The following CAMK4 variants were observed in gnomAD, a reference collection of about 807,000 sequenced individuals.
CAMK4 encodes the protein calcium/calmodulin-dependent protein kinase type IV.
In CAMK4, 22 loss-of-function variants were observed where a neutral mutation model predicts 44.9. The observed-to-expected ratio is 0.49, with a 90% CI of 0.35 to 0.70. The LOEUF (loss-of-function observed/expected upper bound fraction) is 0.70, where lower values mean the gene tolerates loss of function less well. CAMK4 is among the 30% of genes least tolerant of loss of function. CAMK4 has a pLI of 0.01. For missense variants in CAMK4, 498 were observed against 586.8 expected (o/e 0.85, Z 1.56); for synonymous variants, 218 against 215.4 (o/e 1.01, Z -0.11).
At chr5:111,302,231 G>C (rs1747750755) in intron 1 of CAMK4, 3 of 153,576 alleles carry the variant, frequency 2.0e-5, no homozygotes, top group African/African-American at 7.2e-5. Flanking sequence ...TATCAAAACT[G>C]GGGTCTTGAG....
intron 1 of CAMK4, among the ~76,000 whole-genome samples, chr5:111,273,325 T>A (rs952711030): frequency 4.0e-5 from 6 of 151,650 alleles, no homozygotes; most frequent in African/African-American, 1.5e-4. Context: ...ACACACACAT[T>A]CACAAAGACA....
Position 111,374,855 on chromosome 5 carries a change from CA to C in CAMK4, c.253del (p.Ile85SerfsTer2). On this transcript the variant is annotated frameshift_variant, in exon 3 of 11. Coordinates refer to ENST00000282356, the MANE Select transcript of CAMK4 (RefSeq NM_001744.6). LOFTEE classifies it high-confidence loss of function. Reference sequence around the variant, plus strand: ...TCTTTTATTTTGCCTTTTAGGTGGACAAAAAAATCGTAAGAACTGAGATAGG... The same window carrying C: ...TCTTTTATTTTGCCTTTTAGGTGGACAAAAAATCGTAAGAACTGAGATAGG... Reference protein sequence around the residue: ...ALKVLKKTVDKKIVRTEIGVL... With the variant: ...ALKVLKKTVDXKIVRTEIGVL... The C allele has an allele frequency of 6.2e-7, 1 of 1,608,852 alleles. No individual in the cohort carries two copies. The highest frequency in any genetic ancestry group is 8.5e-7 in the Non-Finnish European group (1 of 1,175,802).
Position 111,493,548 on chromosome 5 carries a change from T to G in CAMK4, c.*9082T>G, listed in dbSNP as rs1443204525. On this transcript the variant is annotated 3_prime_UTR_variant, in exon 11 of 11. Coordinates refer to ENST00000282356, the MANE Select transcript of CAMK4 (RefSeq NM_001744.6). The surrounding 1 kb of genome is among the most constrained non-coding windows in gnomAD (Gnocchi z 4.1). ...AATCCCCCAGGATTTCTGATTGAAT[T>G]CTACCTGAAAGTTTAGATTTTAAAA... 2 of 152,192 alleles carry G rather than the reference T, an allele frequency of 1.3e-5. No homozygotes were observed. Among genetic ancestry groups the G allele is most frequent in the Non-Finnish European group, 2.9e-5 (2 of 68,026 alleles). 9.4% of individuals were successfully genotyped at this position (152,192 alleles called of 1,614,324 possible). A position where few individuals can be genotyped will look rare whatever the true frequency, so the allele number is the denominator to read the frequency against.
At chr5:111,358,419 A>G (rs747512537) in intron 2 of CAMK4, among the ~76,000 whole-genome samples, 35 of 152,046 alleles carry the variant, frequency 2.3e-4, no homozygotes, top group Non-Finnish European at 4.6e-4. Flanking sequence ...ATGTCACAGG[A>G]TAAATTCAGT....
At chr5:111,419,490 T>C (rs892263227) in intron 5 of CAMK4, among the ~76,000 whole-genome samples, 7 of 152,212 alleles carry the variant, frequency 4.6e-5, no homozygotes, top group Admixed American at 4.6e-4. Flanking sequence ...GCCATTGCTT[T>C]TGGTGTTTTA....
intron 1 of CAMK4, among the ~76,000 whole-genome samples, chr5:111,328,092 G>A (rs370619467): frequency 1.4e-4 from 18 of 126,902 alleles, no homozygotes; most frequent in African/African-American, 4.4e-4. Context: ...GCCCATGCCT[G>A]TGTCCTGAAT....
intron 1 of CAMK4, among the ~76,000 whole-genome samples, chr5:111,256,008 G>C (rs999600098): frequency 6.6e-6 from 1 of 152,108 alleles, no homozygotes; most frequent in African/African-American, 2.4e-5. Flanking sequence ...ATATATAGCT[G>C]TATGTATTTT....
intron 5 of CAMK4, among the ~76,000 whole-genome samples, chr5:111,436,763 C>G (rs1463068667): frequency 6.6e-6 from 1 of 152,156 alleles, no homozygotes; most frequent in Non-Finnish European, 1.5e-5. Flanking sequence ...ATCAGTTTCG[C>G]TTTAATACAC....
Position 111,224,628 on chromosome 5 carries a change from G to C in CAMK4, c.145G>C (p.Glu49Gln). 1 of 1,610,456 alleles carries C rather than the reference G, an allele frequency of 6.2e-7. No individual in the cohort carries two copies. The highest frequency in any genetic ancestry group is 8.5e-7 in the Non-Finnish European group (1 of 1,179,062). Residue 49 changes from glutamate (E) to glutamine (Q), a missense_variant, in exon 1 of 11, where the codon GAG (glutamate) becomes CAG (glutamine). Transcript: ENST00000282356. This position sits in a 1 kb window ranked among gnomAD's most constrained non-coding sequence, Gnocchi z 5.7. ...TGCGCTGAGCGATTTCTTCGAGGTG[G>C]AGTCGGAGCTGGGACGGTAAGGCGC... The part of the protein sequence containing the change: ...RDALSDFFEV[E>Q]SELGRGATSI...
intron 5 of CAMK4, among the ~76,000 whole-genome samples, chr5:111,415,912 A>G (rs1198519627): frequency 6.6e-6 from 1 of 152,236 alleles, no homozygotes; most frequent in Non-Finnish European, 1.5e-5. Context: ...ATTATAAGTA[A>G]TCTACAGATG....
At chr5:111,446,962 G>C (rs945375851) in intron 6 of CAMK4, among the ~76,000 whole-genome samples, 186 bp downstream of exon 6, 2 of 152,150 alleles carry the variant, frequency 1.3e-5, no homozygotes, top group African/African-American at 4.8e-5. Flanking sequence ...TGTTTATTTG[G>C]AAAATATTGC....
At chr5:111,356,372 T>A (rs1228113301) in intron 2 of CAMK4, among the ~76,000 whole-genome samples, 2 of 151,460 alleles carry the variant, frequency 1.3e-5, no homozygotes, top group African/African-American at 4.8e-5. Flanking sequence ...CTTGTAAATT[T>A]GTTTGAGTTC....
intron 1 of CAMK4, among the ~76,000 whole-genome samples, chr5:111,252,240 G>T (rs1749533608): frequency 6.6e-6 from 1 of 152,200 alleles, no homozygotes; most frequent in Non-Finnish European, 1.5e-5. Flanking sequence ...GGCTTCTTCA[G>T]CTGACTTGAG....
In CAMK4 at chr5:111,359,258, TGTGACTGG is replaced by T. The variant is rs1365663383; in HGVS notation, c.240+15157_240+15164del. Among the ~76,000 whole-genome samples, 11 of 3,278 alleles carry T rather than the reference TGTGACTGG, an allele frequency of 3.4e-3. 3 individuals are homozygous for T. The highest frequency in any genetic ancestry group is 7.3e-3 in the Non-Finnish European group (6 of 824). The allele number at this position is 3,278 out of a possible 152,430, so 2.2% of individuals were successfully genotyped here. On this transcript the variant is annotated intron_variant, in intron 2 of 10. Transcript: ENST00000282356. ...GATTTTTTTGACTAATAGTAACCATTGTGACTGGTGTGAGATGGTATTTGATTGTGGTT... is the reference window on the plus strand; with the variant it reads ...GATTTTTTTGACTAATAGTAACCATTTGTGAGATGGTATTTGATTGTGGTT...
intron 4 of CAMK4, among the ~76,000 whole-genome samples, chr5:111,385,963 A>T (rs960092150): frequency 1.3e-5 from 2 of 152,110 alleles, no homozygotes; most frequent in African/African-American, 4.8e-5. Flanking sequence ...CCAGATTTGC[A>T]ATTTGATTTG....
At chr5:111,228,508 G>GGGTGTGTGTGTGT (rs1748304875) in intron 1 of CAMK4, among the ~76,000 whole-genome samples, 1 of 119,674 alleles carries the variant, frequency 8.4e-6, no homozygotes, top group Admixed American at 8.6e-5. Context: ...CCATAGTAAG[G>GGGTGTGTGTGTGT]GGTGTGTGTG....
At position 111,494,047 on chromosome 5, in the gene CAMK4, A is replaced by T. The variant is rs1004247725; in HGVS notation, c.*9581A>T. 2.6e-5 allele frequency: 4 copies of T among 152,184 alleles called. No homozygotes were observed. Among genetic ancestry groups the T allele is most frequent in the Non-Finnish European group, 5.9e-5 (4 of 68,024 alleles). 9.4% of individuals were successfully genotyped at this position (152,184 alleles called of 1,614,324 possible). On this transcript the variant is annotated 3_prime_UTR_variant, in exon 11 of 11. Transcript: ENST00000282356. ...GTTTTCTAGTCTTTCCTAAAGGAGAAATTTTTATTCCTGGGTTGCTGAAAG... is the reference window on the plus strand; with the variant it reads ...GTTTTCTAGTCTTTCCTAAAGGAGATATTTTTATTCCTGGGTTGCTGAAAG...
chr5:111,465,343 T>G (rs1290551535), intron 7 of CAMK4, among the ~76,000 whole-genome samples: 1 of 150,814 alleles, frequency 6.6e-6, no homozygotes, highest in South Asian at 2.1e-4. Flanking sequence ...AGAAAAGAAA[T>G]AACTAAGATA....
chr5:111,473,527 A>G (rs1238122526), intron 8 of CAMK4, 141 bp downstream of exon 8: 8 of 611,900 alleles, frequency 1.3e-5, no homozygotes, highest in Admixed American at 3.1e-5. Flanking sequence ...GCAGTTAGTG[A>G]TAGAATTTCC....
Sources: gnomAD v4.1 joint callset for allele counts (sites outside exome capture counted in the v4.1 genomes callset) on GRCh38, gnomAD v4.1.1 for gene constraint, Gnocchi (gnomAD v3.1) non-coding constraint, MANE v1.5 for transcripts, NCBI Gene and HGNC (gene_info 2026-07-23, HGNC 2026-07-21) for gene names.